HECW1: variants seen among roughly 807,000 people sequenced by gnomAD.
The protein encoded by HECW1 is HECT, C2 and WW domain containing E3 ubiquitin protein ligase 1.
HECW1 carries 61 observed loss-of-function variants against 182.3 expected under a neutral mutation model. The observed-to-expected ratio is 0.33, with a 90% CI of 0.27 to 0.41. The LOEUF is 0.41. HECW1 is among the 10% of genes least tolerant of loss of function. The pLI is 1.00. For missense variants in HECW1, 1,739 were observed against 2,108.9 expected (o/e 0.82, Z 3.44); for synonymous variants, 859 against 832.6 (o/e 1.03, Z -0.55).
At chr7:43,285,144 T>G (rs1804464620) in intron 3 of HECW1, among the ~76,000 whole-genome samples, 1 of 152,138 alleles carries the variant, frequency 6.6e-6, no homozygotes, top group Non-Finnish European at 1.5e-5. Flanking sequence ...TAGGACAATA[T>G]TTATAGACAC....
In HECW1 at chr7:43,189,645, G is replaced by A. The variant is rs952965189; in HGVS notation, c.-31-54230G>A. Among the ~76,000 whole-genome samples the A allele has an allele frequency of 8.6e-5, 13 of 152,046 alleles. No individual in the cohort carries two copies. The East Asian group carries it at 2.5e-3, about 29-fold the overall frequency. ...ACCTTATTATGAAAAATAAATACAT[G>A]GGGTTAAAAGTAAAAGTTTCTGGAG... is the stretch of plus-strand genomic sequence containing the variant. On this transcript the variant is annotated intron_variant, in intron 2 of 29. Coordinates refer to ENST00000395891, the MANE Select transcript of HECW1 (RefSeq NM_015052.5).
intron 3 of HECW1, among the ~76,000 whole-genome samples, chr7:43,309,305 G>T (rs1394635888): frequency 6.6e-6 from 1 of 152,140 alleles, no homozygotes; most frequent in Non-Finnish European, 1.5e-5. Context: ...TGGTGGGAGA[G>T]GGTGGGGTGC....
At chr7:43,552,561 C>G (rs574084321) in intron 28 of HECW1, among the ~76,000 whole-genome samples, 3 of 152,294 alleles carry the variant, frequency 2.0e-5, no homozygotes, top group South Asian at 2.1e-4. Flanking sequence ...AGCAGTTGCT[C>G]TCACTCTCAC....
chr7:43,423,045 C>A (rs1450297996), intron 8 of HECW1, among the ~76,000 whole-genome samples: 4 of 152,202 alleles, frequency 2.6e-5, no homozygotes, highest in Non-Finnish European at 5.9e-5. Flanking sequence ...CACTTCAGTC[C>A]TGACTGATTA....
chr7:43,154,836 T>C (rs1789708282), intron 2 of HECW1, among the ~76,000 whole-genome samples: 1 of 152,232 alleles, frequency 6.6e-6, no homozygotes, highest in Non-Finnish European at 1.5e-5. Flanking sequence ...TATAATTTTC[T>C]GGAAAGGTTA....
chr7:43,209,653 T>C (rs1003931878), intron 2 of HECW1, among the ~76,000 whole-genome samples: 37 of 152,302 alleles, frequency 2.4e-4, no homozygotes, highest in African/African-American at 8.9e-4. Flanking sequence ...GGGTAAGATT[T>C]GATGGAGACG....
At chr7:43,537,795 T>TC (rs1267295669) in intron 24 of HECW1, among the ~76,000 whole-genome samples, 2 of 147,298 alleles carry the variant, frequency 1.4e-5, no homozygotes, top group Admixed American at 1.4e-4. Context: ...GTTATTTTTT[T>TC]TAAAAAAGCT....
chr7:43,318,944 G>C (rs1562829417), intron 4 of HECW1, among the ~76,000 whole-genome samples: 1 of 152,200 alleles, frequency 6.6e-6, no homozygotes, highest in Non-Finnish European at 1.5e-5. Context: ...AACTACAAGG[G>C]CTCCATAGAA....
chr7:43,522,624 G>A (rs1408786619), intron 24 of HECW1: 1 of 154,292 alleles, frequency 6.5e-6, no homozygotes, highest in Non-Finnish European at 1.4e-5. Context: ...AGCTGCGCAG[G>A]AGTTCTAGAC....
At chr7:43,316,872 T>C (rs1284940952) in intron 4 of HECW1, among the ~76,000 whole-genome samples, 4 of 109,600 alleles carry the variant, frequency 3.6e-5, no homozygotes, top group Non-Finnish European at 7.7e-5. Flanking sequence ...GTGCAGAATC[T>C]GGTCCTCTAA....
chr7:43,517,566 A>G (rs1269353867), intron 24 of HECW1, among the ~76,000 whole-genome samples: 1 of 152,172 alleles, frequency 6.6e-6, no homozygotes, highest in Non-Finnish European at 1.5e-5. Context: ...ATCCCTTGCT[A>G]CATCTGCAGA....
At chr7:43,274,917 T>A (rs752649476) in intron 3 of HECW1, among the ~76,000 whole-genome samples, 10 of 152,098 alleles carry the variant, frequency 6.6e-5, no homozygotes, top group African/African-American at 1.7e-4. Flanking sequence ...ATTAAAAAAA[T>A]TAAAAACTAT....
At chr7:43,221,288 T>C (rs957720093) in intron 2 of HECW1, among the ~76,000 whole-genome samples, 1 of 152,072 alleles carries the variant, frequency 6.6e-6, no homozygotes, top group African/African-American at 2.4e-5. Context: ...ATCTAGAGGA[T>C]TAGGGAGATC....
At chr7:43,261,964 T>C (rs1480218167) in intron 3 of HECW1, among the ~76,000 whole-genome samples, 1 of 152,202 alleles carries the variant, frequency 6.6e-6, no homozygotes, top group Non-Finnish European at 1.5e-5. Flanking sequence ...TTTATGCCTG[T>C]AATCCCAGCT....
At chr7:43,244,281 A>G (rs1375621245) in intron 3 of HECW1, among the ~76,000 whole-genome samples, 1 of 152,234 alleles carries the variant, frequency 6.6e-6, no homozygotes, top group Non-Finnish European at 1.5e-5. Flanking sequence ...ATTGCTGTAC[A>G]GTTGATATGG....
chr7:43,125,902 T>C (rs913949775), intron 2 of HECW1, among the ~76,000 whole-genome samples: 3 of 151,764 alleles, frequency 2.0e-5, no homozygotes, highest in Admixed American at 6.6e-5. Flanking sequence ...AGTGAACTCA[T>C]AACTTCCTCA....
chr7:43,527,675 T>G (rs936419645), intron 24 of HECW1, among the ~76,000 whole-genome samples: 13 of 152,326 alleles, frequency 8.5e-5, no homozygotes, highest in African/African-American at 3.1e-4. Flanking sequence ...GAGCCAATAT[T>G]CAACCCATTC....
chr7:43,225,575 C>A (rs887604236), intron 2 of HECW1, among the ~76,000 whole-genome samples: 3 of 152,016 alleles, frequency 2.0e-5, no homozygotes, highest in Admixed American at 6.6e-5. Flanking sequence ...AAAGATTAAA[C>A]CAGAAAACCC....
At chr7:43,302,619 G>T (rs1012948056) in intron 3 of HECW1, among the ~76,000 whole-genome samples, 5 of 152,174 alleles carry the variant, frequency 3.3e-5, no homozygotes, top group African/African-American at 1.2e-4. Context: ...GGGCCGCCCC[G>T]GGAGGATGAT....
Sources: gnomAD v4.1 joint callset for allele counts (sites outside exome capture counted in the v4.1 genomes callset) on GRCh38, gnomAD v4.1.1 for gene constraint, MANE v1.5 for transcripts, NCBI Gene and HGNC (gene_info 2026-07-23, HGNC 2026-07-21) for gene names.